The following TMEM65 variants were observed in gnomAD, a reference collection of about 807,000 sequenced individuals.
TMEM65 encodes transmembrane protein 65.
A neutral mutation model predicts 25.4 loss-of-function variants in TMEM65; 22 were observed. That is an observed-to-expected ratio of 0.86 (90% CI 0.62 to 1.23). TMEM65 has a LOEUF of 1.23. Ranked by LOEUF, TMEM65 falls within the 50% of genes most tolerant of loss-of-function variation. The pLI is 0.00. For synonymous variants in TMEM65, 132 were observed against 126.2 expected (o/e 1.05, Z -0.31); for missense variants, 262 against 308.2 (o/e 0.85, Z 1.12).
chr8:124,353,932 C>T (rs987031727), intron 1 of TMEM65, among the ~76,000 whole-genome samples: 4 of 152,108 alleles, frequency 2.6e-5, no homozygotes, highest in African/African-American at 7.2e-5. Context: ...CTTTAGAGTG[C>T]ATAAGTCAGA....
intron 1 of TMEM65, among the ~76,000 whole-genome samples, chr8:124,347,880 A>G (rs942081596): frequency 1.3e-4 from 18 of 139,754 alleles, no homozygotes; most frequent in African/African-American, 4.8e-4. Context: ...CTAGAGGTAC[A>G]ATAATTTTTC....
chr8:124,372,285 G>A lies in TMEM65; in HGVS notation c.-128C>T, dbSNP rs1283609975. ...CCTCCTGCCAGGCAGCCGAGGCGCC[G>A]GGCACCATGCACTCCGCGGGCCCGC... is the stretch of plus-strand genomic sequence containing the variant. On this transcript the variant is annotated 5_prime_UTR_variant, in exon 1 of 7. Coordinates refer to ENST00000297632, the MANE Select transcript of TMEM65 (RefSeq NM_194291.3). The A allele has an allele frequency of 1.1e-5, 10 of 915,972 alleles. No homozygotes were observed. Among genetic ancestry groups the A allele is most frequent in the Non-Finnish European group, 1.2e-5 (9 of 737,056 alleles). The allele number at this position is 915,972 out of a possible 1,614,324, so 56.7% of individuals were successfully genotyped here. A position where few individuals can be genotyped will look rare whatever the true frequency, so the allele number is the denominator to read the frequency against.
intron 1 of TMEM65, among the ~76,000 whole-genome samples, chr8:124,370,495 T>A (rs1814997647): frequency 6.6e-6 from 1 of 152,230 alleles, no homozygotes; most frequent in Non-Finnish European, 1.5e-5. Flanking sequence ...TAGTGTTTCA[T>A]TATGATTGCA....
chr8:124,346,570 T>C (rs1186253470), intron 1 of TMEM65, among the ~76,000 whole-genome samples: 1 of 152,098 alleles, frequency 6.6e-6, no homozygotes, highest in East Asian at 1.9e-4. Context: ...ATAAGAAAAG[T>C]ACCAAAGCAG....
rs895144789 is a variant in TMEM65, at chr8:124,313,677, T to C, written c.*283A>G. 6 of 293,830 alleles carry C rather than the reference T, an allele frequency of 2.0e-5. No homozygotes were observed. The highest frequency in any genetic ancestry group is 4.9e-5 in the Admixed American group (1 of 20,282). The allele number at this position is 293,830 out of a possible 1,614,324, so 18.2% of individuals were successfully genotyped here. ...ACCCCAAGTCAATACAGTACATCAA[T>C]GACACTTAAATAACATTATGAATAT... On this transcript the variant is annotated 3_prime_UTR_variant, in exon 7 of 7. Transcript: ENST00000297632.
chr8:124,326,838 A>AT (rs113449098), intron 3 of TMEM65, among the ~76,000 whole-genome samples: 3 of 151,866 alleles, frequency 2.0e-5, no homozygotes, highest in African/African-American at 4.8e-5. Context: ...ACAAAGGGGA[A>AT]TTTTTTTTAA....
intron 1 of TMEM65, among the ~76,000 whole-genome samples, chr8:124,350,480 C>CAT (rs1814694234): frequency 3.4e-4 from 3 of 8,950 alleles, no homozygotes; most frequent in African/African-American, 4.9e-4. Flanking sequence ...CTCTCTCTCA[C>CAT]ACACACACAC....
At chr8:124,322,271 A>G (rs1268456029) in intron 4 of TMEM65, 124 bp from the exon 5 acceptor site, 4 of 647,672 alleles carry the variant, frequency 6.2e-6, no homozygotes, top group African/African-American at 1.9e-5. Context: ...CCATATCCAA[A>G]GTAACTCATT....
At chr8:124,339,222 A>AAAT (rs1563594368) in intron 1 of TMEM65, among the ~76,000 whole-genome samples, 23 of 19,906 alleles carry the variant, frequency 1.2e-3, no homozygotes, top group Non-Finnish European at 1.6e-3. Flanking sequence ...AAAAAAAAAA[A>AAAT]ATATATATAT....
intron 1 of TMEM65, among the ~76,000 whole-genome samples, chr8:124,335,838 T>A (rs1254884260): frequency 6.6e-6 from 1 of 150,732 alleles, no homozygotes; most frequent in African/African-American, 2.4e-5. Flanking sequence ...AAACAGAGGG[T>A]CAAACAGAAA....
At chr8:124,358,449 T>C (rs183052699) in intron 1 of TMEM65, among the ~76,000 whole-genome samples, 38 of 152,352 alleles carry the variant, frequency 2.5e-4, no homozygotes, top group African/African-American at 2.4e-4. Flanking sequence ...GGTCATAATC[T>C]ACTCTTCTAA....
At chr8:124,366,657 T>C (rs1309520380) in intron 1 of TMEM65, among the ~76,000 whole-genome samples, 6 of 152,120 alleles carry the variant, frequency 3.9e-5, no homozygotes, top group Non-Finnish European at 8.8e-5. Flanking sequence ...ACTCTGGACA[T>C]GTTATATGTA....
rs1340932439 is a variant in TMEM65 at position 124,308,261 on chromosome 8, A to C, written c.*5699T>G. 1 of 152,204 alleles carries C rather than the reference A, an allele frequency of 6.6e-6. No homozygotes were observed. The highest frequency in any genetic ancestry group is 1.5e-5 in the Non-Finnish European group (1 of 68,088). 9.4% of individuals were successfully genotyped at this position (152,204 alleles called of 1,614,324 possible). On this transcript the variant is annotated 3_prime_UTR_variant, in exon 7 of 7. Coordinates refer to ENST00000297632, the MANE Select transcript of TMEM65 (RefSeq NM_194291.3). ...GTTCAATACTAAAGGCATCGAAGTGATCTATTTGCCCCCAAACACAATGTC... is the reference window on the plus strand; with the variant it reads ...GTTCAATACTAAAGGCATCGAAGTGCTCTATTTGCCCCCAAACACAATGTC...
rs917451371 is a variant in TMEM65 at position 124,363,645 on chromosome 8, A to G, written c.304+8209T>C. On this transcript the variant is annotated intron_variant, in intron 1 of 6. Transcript: ENST00000297632. ...GAGGTCAGGAGATCGAGACCATCCC[A>G]GCTAAAACGGTGAAACCCCGTCTCT... 1.3e-4 allele frequency among the ~76,000 whole-genome samples: 20 copies of G among 151,916 alleles called. No individual in the cohort carries two copies. In the East Asian group the frequency reaches 3.7e-3, roughly 28 times the overall value.
At chr8:124,356,365 A>G (rs1457251129) in intron 1 of TMEM65, among the ~76,000 whole-genome samples, 2 of 152,142 alleles carry the variant, frequency 1.3e-5, no homozygotes, top group Non-Finnish European at 2.9e-5. Flanking sequence ...GTGAATCTTC[A>G]GAGGGCAAAG....
intron 1 of TMEM65, among the ~76,000 whole-genome samples, chr8:124,346,048 AAAG>A (rs1242581453): frequency 6.6e-6 from 1 of 152,208 alleles, no homozygotes; most frequent in African/African-American, 2.4e-5. Flanking sequence ...CCCTGCCAAG[AAAG>A]AAGGTTTAAT....
chr8:124,306,344 G>A lies in TMEM65; in HGVS notation c.*7616C>T, dbSNP rs970810052. The A allele has an allele frequency of 6.6e-6, 1 of 152,124 alleles. No homozygotes were observed. The highest frequency in any genetic ancestry group is 1.9e-4 in the East Asian group (1 of 5,196). 9.4% of individuals were successfully genotyped at this position (152,124 alleles called of 1,614,324 possible). On this transcript the variant is annotated 3_prime_UTR_variant, in exon 7 of 7. Coordinates refer to ENST00000297632, the MANE Select transcript of TMEM65 (RefSeq NM_194291.3). ...AACAATGGCCTAGAGAACTATCATT[G>A]AAGATTTACCAAATCTGCCTGAAGC...
At chr8:124,327,995 T>G (rs1204016955) in intron 2 of TMEM65, among the ~76,000 whole-genome samples, 1 of 152,108 alleles carries the variant, frequency 6.6e-6, no homozygotes, top group African/African-American at 2.4e-5. Context: ...TTCATCAATA[T>G]TCCCAAATGC....
chr8:124,333,651 G>C (rs1237890855), intron 1 of TMEM65, among the ~76,000 whole-genome samples: 2 of 152,056 alleles, frequency 1.3e-5, no homozygotes. Flanking sequence ...CTCCTGCATG[G>C]AACAACCACA....
Sources: gnomAD v4.1 joint callset for allele counts (sites outside exome capture counted in the v4.1 genomes callset) on GRCh38, gnomAD v4.1.1 for gene constraint, MANE v1.5 for transcripts, NCBI Gene and HGNC (gene_info 2026-07-23, HGNC 2026-07-21) for gene names.